Variants in ZNF444 observed in about 807,000 individuals in gnomAD.
The protein encoded by ZNF444 is zinc finger protein 444.
ZNF444 carries 8 observed loss-of-function variants against 14.4 expected under a neutral mutation model. That is an observed-to-expected ratio of 0.56 (90% CI 0.33 to 1.00). ZNF444 has a LOEUF of 1.00. ZNF444 is among the 50% of genes least tolerant of loss of function. The pLI is 0.03. For synonymous variants in ZNF444, 258 were observed against 235.9 expected, an observed-to-expected ratio of 1.09 and a Z score of -0.86; for missense variants, 510 against 504.8, an observed-to-expected ratio of 1.01 and a Z score of -0.10.
upstream of ZNF444, among the ~76,000 whole-genome samples, chr19:56,138,684 C>T (rs949102771): frequency 2.0e-5 from 3 of 149,590 alleles, no homozygotes; most frequent in Admixed American, 6.7e-5. Flanking sequence ...GCCAGGAGCT[C>T]GGGGGAGAGA....
At chr19:56,143,735 T>G (rs2030985366) in intron 1 of ZNF444, 2 of 152,086 alleles carry the variant, frequency 1.3e-5, no homozygotes, top group Non-Finnish European at 2.9e-5. Context: ...TGAATTGTAG[T>G]GAAGAAAGTC....
chr19:56,152,937 C>T (rs543510974), intron 3 of ZNF444, among the ~76,000 whole-genome samples: 1 of 152,292 alleles, frequency 6.6e-6, no homozygotes, highest in Admixed American at 6.5e-5. Flanking sequence ...GGCACACAGA[C>T]ATTTGGTCTG....
At chr19:56,142,548 G>T (rs1411858708) in intron 1 of ZNF444, among the ~76,000 whole-genome samples, 1 of 152,182 alleles carries the variant, frequency 6.6e-6, no homozygotes. Flanking sequence ...GACATCGTAT[G>T]TTGCACAGGA....
chr19:56,148,592 C>G (rs867727587), intron 3 of ZNF444, among the ~76,000 whole-genome samples: 6 of 152,244 alleles, frequency 3.9e-5, no homozygotes, highest in Admixed American at 2.0e-4. Flanking sequence ...GACACTCCCC[C>G]CTCTTATTGT....
At chr19:56,153,151 G>T (rs1159605368) in intron 3 of ZNF444, among the ~76,000 whole-genome samples, 5 of 152,108 alleles carry the variant, frequency 3.3e-5, no homozygotes, top group Non-Finnish European at 5.9e-5. Flanking sequence ...TTCCATTTGG[G>T]GGAGAACAGG....
chr19:56,154,596 CCCCCAA>C (rs1447519841), intron 3 of ZNF444: 1 of 150,628 alleles, frequency 6.6e-6, no homozygotes, highest in Non-Finnish European at 1.5e-5. Context: ...CCCACCCCCA[CCCCCAA>C]CCACCTAACA....
chr19:56,158,442 AAT>A, intron 3 of ZNF444, 50 bp from the exon 4 acceptor site: 1 of 1,508,606 alleles, frequency 6.6e-7, no homozygotes, highest in African/African-American at 1.4e-5. Flanking sequence ...GAGAGGGAGA[AAT>A]AGAGGCCCTT....
chr19:56,146,892 G>A lies in ZNF444; in HGVS notation c.-20G>A. On this transcript the variant is annotated splice_region_variant and 5_prime_UTR_variant, in exon 3 of 5. Coordinates refer to ENST00000337080, the MANE Select transcript of ZNF444 (RefSeq NM_018337.4). ...TCTCACCGGCTTGTTCCCTGCAGGC[G>A]CTGCGGTCCGGGAGGCCCCATGGAG... 2 of 1,390,254 alleles carry A rather than the reference G, an allele frequency of 1.4e-6. No homozygotes were observed. Among genetic ancestry groups the A allele is most frequent in the Non-Finnish European group, 1.9e-6 (2 of 1,080,660 alleles). The allele number at this position is 1,390,254 out of a possible 1,614,324, so 86.1% of individuals were successfully genotyped here. A position where few individuals can be genotyped will look rare whatever the true frequency, so the allele number is the denominator to read the frequency against.
rs114313066 is a variant in ZNF444, at chr19:56,158,767, G to C, written c.406+165G>C. The stretch of plus-strand genomic sequence containing the variant: ...AGGGGCGGGCATTGGGGGTATGGGT[G>C]GGCCTCGGGGTTGGAGGTTCATCCA... On this transcript the variant is annotated intron_variant, in intron 4 of 4. Transcript: ENST00000337080. 8.0e-3 allele frequency among the ~76,000 whole-genome samples: 1,220 copies of C among 152,148 alleles called. 20 individuals are homozygous for C. Among genetic ancestry groups the C allele is most frequent in the African/African-American group, 0.027 (1,136 of 41,480 alleles).
chr19:56,157,950 G>A (rs1473939852), intron 3 of ZNF444: 2 of 152,066 alleles, frequency 1.3e-5, no homozygotes, highest in African/African-American at 2.4e-5. Flanking sequence ...CTGCTTGGCA[G>A]CTGTTCTGCT....
Position 56,132,935 on chromosome 19 carries a change from C to CTTTTTTTTT in ZNF444, c.-197+169_-197+177dup, listed in dbSNP as rs61365745. Among the ~76,000 whole-genome samples the CTTTTTTTTT allele has an allele frequency of 4.1e-3, 387 of 94,282 alleles. 12 individuals are homozygous for CTTTTTTTTT. The highest frequency in any genetic ancestry group is 5.0e-3 in the Non-Finnish European group (263 of 52,596). 61.9% of individuals were successfully genotyped at this position (94,282 alleles called of 152,430 possible). Reference sequence around the variant, plus strand: ...TTTCTTTTTCTTTCTTTCTTTCTTTCTTTTTTTTTTTTTTTTTTTTGAGAC... The same window carrying CTTTTTTTTT: ...TTTCTTTTTCTTTCTTTCTTTCTTTCTTTTTTTTTTTTTTTTTTTTTTTTTTTTTGAGAC... On this transcript the variant is annotated intron_variant, in intron 1 of 2. Transcript: ENST00000587467.
chr19:56,152,630 G>A (rs2031656863), intron 3 of ZNF444, among the ~76,000 whole-genome samples: 1 of 152,100 alleles, frequency 6.6e-6, no homozygotes, highest in Non-Finnish European at 1.5e-5. Context: ...CTGTAACAAG[G>A]TACCATAGGC....
At chr19:56,150,552 C>T in intron 3 of ZNF444, 1 of 413,072 alleles carries the variant, frequency 2.4e-6, no homozygotes, top group Admixed American at 2.6e-5. Flanking sequence ...AATAACACTG[C>T]CGTGAGTGAT....
In ZNF444 at chr19:56,160,467, C is replaced by T. The variant is rs274154; in HGVS notation, c.*266C>T. 0.11 allele frequency: 46,494 copies of T among 435,706 alleles called. 3,612 individuals carry two copies. The highest frequency in any genetic ancestry group is 0.34 in the East Asian group (8,428 of 24,668). The allele number at this position is 435,706 out of a possible 1,614,324, so 27.0% of individuals were successfully genotyped here. A position where few individuals can be genotyped will look rare whatever the true frequency, so the allele number is the denominator to read the frequency against. On this transcript the variant is annotated 3_prime_UTR_variant, in exon 5 of 5. Transcript: ENST00000337080. ...TCTCTCTCTGTGTGAAGGGGCCTCT[C>T]CCTAATGTCTCCTCCTTCCCCCCTC... is the stretch of plus-strand genomic sequence containing the variant.
upstream of ZNF444, among the ~76,000 whole-genome samples, chr19:56,137,887 C>T (rs568673900): frequency 1.1e-4 from 17 of 151,658 alleles, no homozygotes; most frequent in African/African-American, 3.9e-4. Context: ...TTTGGGAGGC[C>T]GAGGCGGGTG....
intron 4 of ZNF444, 84 bp downstream of exon 4, chr19:56,158,686 C>T: frequency 4.8e-6 from 6 of 1,256,618 alleles, no homozygotes; most frequent in Non-Finnish European, 5.5e-6. Flanking sequence ...CACCAGGACC[C>T]AGGACAAGGA....
chr19:56,153,270 G>A (rs1278375202), intron 3 of ZNF444, among the ~76,000 whole-genome samples: 1 of 152,142 alleles, frequency 6.6e-6, no homozygotes, highest in South Asian at 2.1e-4. Context: ...TGGCCTTGTC[G>A]AGTTTGTTTA....
chr19:56,139,390 A>G (rs2030688241), upstream of ZNF444, among the ~76,000 whole-genome samples: 1 of 152,162 alleles, frequency 6.6e-6, no homozygotes, highest in Non-Finnish European at 1.5e-5. Flanking sequence ...GTGGATGGTG[A>G]TGAAAAAGAG....
rs568207817 is a variant in ZNF444 at position 56,145,633 on chromosome 19, C to G, written c.-196-614C>G. ...ATAGAGACAGGAGAGCTCGCTGCCT[C>G]TCTCTATTCTACGCCATGGGAGGAC... On this transcript the variant is annotated intron_variant, in intron 1 of 4. Transcript: ENST00000337080. The surrounding 1 kb of genome is among the most constrained non-coding windows in gnomAD (Gnocchi z 4.3). Among the ~76,000 whole-genome samples, 2 of 152,200 alleles carry G rather than the reference C, an allele frequency of 1.3e-5. No homozygotes were observed. The highest frequency in any genetic ancestry group is 3.9e-4 in the East Asian group (2 of 5,172).
Sources: allele counts gnomAD v4.1 joint callset (sites outside exome capture counted in the v4.1 genomes callset), GRCh38; gene constraint gnomAD v4.1.1; non-coding constraint Gnocchi (gnomAD v3.1); transcripts MANE v1.5; gene names NCBI Gene and HGNC (gene_info 2026-07-23, HGNC 2026-07-21).